Variants in IGF1 observed in about 807,000 individuals in gnomAD.
The protein encoded by IGF1 is insulin like growth factor 1.
In IGF1, 4 loss-of-function variants were observed where a neutral mutation model predicts 13.8. That is an observed-to-expected ratio of 0.29 (90% CI 0.14 to 0.66). The LOEUF (loss-of-function observed/expected upper bound fraction) is 0.66. Among genes scored for constraint, IGF1 ranks in the 30% least tolerant of loss-of-function variants. IGF1 has a pLI of 0.78. For synonymous variants in IGF1, 76 were observed against 72.6 expected, an observed-to-expected ratio of 1.05 and a Z score of -0.23; for missense variants, 124 against 188.5, an observed-to-expected ratio of 0.66 and a Z score of 2.00.
intron 1 of IGF1, among the ~76,000 whole-genome samples, chr12:102,479,916 GAC>G (rs1184727098): frequency 6.6e-6 from 1 of 150,864 alleles, no homozygotes; most frequent in African/African-American, 2.4e-5. Context: ...TACACACAGA[GAC>G]ACATACACAC....
chr12:102,453,095 CA>C (rs1879105147), intron 2 of IGF1, among the ~76,000 whole-genome samples: 1 of 152,200 alleles, frequency 6.6e-6, no homozygotes, highest in Non-Finnish European at 1.5e-5. Flanking sequence ...TGGAACCCCA[CA>C]GTTCTTAGTG....
intron 2 of IGF1, among the ~76,000 whole-genome samples, chr12:102,456,662 C>T (rs910159752): frequency 4.3e-4 from 65 of 152,120 alleles, no homozygotes; most frequent in African/African-American, 1.3e-3. Flanking sequence ...TTCTGCTGCC[C>T]GAGAGATGTA....
At chr12:102,433,239 A>G (rs1876898075) in intron 2 of IGF1, among the ~76,000 whole-genome samples, 1 of 152,228 alleles carries the variant, frequency 6.6e-6, no homozygotes, top group Non-Finnish European at 1.5e-5. Flanking sequence ...ACATTTGGTC[A>G]CATGTAAACT....
chr12:102,478,681 T>C lies in IGF1; in HGVS notation c.63+1638A>G, dbSNP rs949308695. 2.2e-6 allele frequency: 3 copies of C among 1,352,974 alleles called. No individual in the cohort carries two copies. In the African/African-American group the frequency reaches 4.4e-5, roughly 20 times the overall value. The allele number at this position is 1,352,974 out of a possible 1,614,324, so 83.8% of individuals were successfully genotyped here. ...ATGAGCCTGGGTAAACTGCCTTTTG[T>C]CCATTGAAACAATGAACAAATTGCA... On this transcript the variant is annotated intron_variant, in intron 1 of 3. Coordinates refer to ENST00000337514, the MANE Select transcript of IGF1 (RefSeq NM_000618.5).
intron 2 of IGF1, among the ~76,000 whole-genome samples, chr12:102,443,784 C>A (rs959887620): frequency 2.6e-5 from 4 of 152,012 alleles, no homozygotes; most frequent in Admixed American, 1.3e-4. Flanking sequence ...AGGCAAAAAA[C>A]AGGCAACCTT....
intron 3 of IGF1, among the ~76,000 whole-genome samples, chr12:102,416,292 G>C (rs989984721): frequency 2.0e-5 from 3 of 152,192 alleles, no homozygotes; most frequent in Admixed American, 6.5e-5. Flanking sequence ...CAACTTGGAG[G>C]ATGGCGAGAG....
intron 2 of IGF1, among the ~76,000 whole-genome samples, chr12:102,440,372 T>C (rs1444639634): frequency 1.3e-5 from 2 of 152,216 alleles, no homozygotes; most frequent in Admixed American, 1.3e-4. Flanking sequence ...CAGTTGGAGA[T>C]AGCCGATTTC....
intron 3 of IGF1, among the ~76,000 whole-genome samples, chr12:102,413,885 A>G (rs1269073011): frequency 6.6e-6 from 1 of 152,082 alleles, no homozygotes; most frequent in African/African-American, 2.4e-5. Flanking sequence ...TATTCATAGA[A>G]CCAGGGGTTC....
intron 2 of IGF1, among the ~76,000 whole-genome samples, chr12:102,431,837 A>G (rs1876768386): frequency 6.6e-6 from 1 of 152,200 alleles, no homozygotes; most frequent in Admixed American, 6.5e-5. Context: ...AATGCCATGC[A>G]TGGCTTTTTC....
intron 2 of IGF1, among the ~76,000 whole-genome samples, chr12:102,471,795 T>C (rs185004620): frequency 2.2e-3 from 337 of 152,310 alleles, no homozygotes; most frequent in African/African-American, 7.6e-3. Context: ...TCTCTTTCTT[T>C]CAGTTGCTCT....
intron 3 of IGF1, among the ~76,000 whole-genome samples, chr12:102,409,560 C>T (rs1874455111): frequency 6.6e-6 from 1 of 152,186 alleles, no homozygotes. Context: ...ACAAATAGCA[C>T]AGAACCCCCT....
chr12:102,435,892 A>G (rs936661516), intron 2 of IGF1, among the ~76,000 whole-genome samples: 23 of 152,214 alleles, frequency 1.5e-4, no homozygotes, highest in East Asian at 3.8e-4. Context: ...TGCATTTTCC[A>G]TAAGTTCTCA....
intron 1 of IGF1, 94 bp from the exon 2 acceptor site, chr12:102,475,893 C>T (rs1351538573): frequency 1.0e-5 from 13 of 1,290,430 alleles, no homozygotes; most frequent in Admixed American, 2.0e-5. Context: ...CACGATTCCA[C>T]GACTGTCATT....
At chr12:102,417,637 C>G in intron 3 of IGF1, 2 of 1,341,612 alleles carry the variant, frequency 1.5e-6, no homozygotes, top group East Asian at 3.0e-5. Flanking sequence ...TTTTCTTTTC[C>G]GTTTTCTCCA....
At chr12:102,466,793 C>T (rs1880365047) in intron 2 of IGF1, among the ~76,000 whole-genome samples, 1 of 152,102 alleles carries the variant, frequency 6.6e-6, no homozygotes, top group South Asian at 2.1e-4. Flanking sequence ...GTCCCAGCTA[C>T]TGGGGAGGCT....
chr12:102,473,426 A>T (rs372661085), intron 2 of IGF1, among the ~76,000 whole-genome samples: 17 of 152,306 alleles, frequency 1.1e-4, no homozygotes, highest in African/African-American at 4.1e-4. Context: ...ATCTAAATGG[A>T]CTAATTTCTT....
At chr12:102,426,623 A>G (rs930749723) in intron 2 of IGF1, among the ~76,000 whole-genome samples, 1 of 152,228 alleles carries the variant, frequency 6.6e-6, no homozygotes. Context: ...GAATCTTTCA[A>G]TCAAGTCAAA....
chr12:102,418,245 C>A (rs954832141), intron 3 of IGF1, among the ~76,000 whole-genome samples: 1 of 152,260 alleles, frequency 6.6e-6, no homozygotes, highest in African/African-American at 2.4e-5. Context: ...AAGAATGAAT[C>A]TGCCTTTGCC....
At chr12:102,441,902 C>CGCT (rs1326074639) in intron 2 of IGF1, among the ~76,000 whole-genome samples, 49 of 25,040 alleles carry the variant, frequency 2.0e-3, no homozygotes, top group Admixed American at 4.0e-3. Context: ...CATTCTATTA[C>CGCT]ACTGCTTCTT....
Sources: allele counts gnomAD v4.1 joint callset (sites outside exome capture counted in the v4.1 genomes callset), GRCh38; gene constraint gnomAD v4.1.1; transcripts MANE v1.5; gene names NCBI Gene and HGNC (gene_info 2026-07-23, HGNC 2026-07-21).